The following PRAG1 variants were observed in gnomAD, a reference collection of about 807,000 sequenced individuals.
PRAG1 encodes PEAK1 related, kinase-activating pseudokinase 1.
In PRAG1, 110 loss-of-function variants were observed where a neutral mutation model predicts 95.6. That is an observed-to-expected ratio of 1.15 (90% CI 0.99 to 1.35). PRAG1 has a LOEUF of 1.35. PRAG1 is among the 40% of genes most tolerant of loss of function. The pLI, the probability that PRAG1 is intolerant of heterozygous loss-of-function variation, is 0.00. For synonymous variants in PRAG1, 1,052 were observed against 819.4 expected (o/e 1.28, Z -4.85); for missense variants, 2,554 against 1,864.7 (o/e 1.37, Z -6.81).
rs764036152 is a variant in PRAG1, at chr8:8,327,697, G to A, written c.3072+13C>T. 6.2e-7 allele frequency: 1 copy of A among 1,600,776 alleles called. No individual in the cohort carries two copies. Among genetic ancestry groups the A allele is most frequent in the East Asian group, 2.2e-5 (1 of 44,706 alleles). ...AGTGGCACAGCAGAATGCAAGGAGG[G>A]AGTGGTACCTACTTTCACAGCATAG... On this transcript the variant is annotated intron_variant, in intron 5 of 5. Transcript: ENST00000615670.
rs758208858 is a variant in PRAG1, at chr8:8,318,911, T to G, written c.3464A>C (p.His1155Pro). 4.4e-5 allele frequency: 71 copies of G among 1,606,248 alleles called. No individual in the cohort carries two copies. Among genetic ancestry groups the G allele is most frequent in the Non-Finnish European group, 5.6e-5 (66 of 1,177,038 alleles). Reference sequence around the variant, plus strand: ...CCCGGGGCCGGCCTGGAGGGTGCAGTGCACCAGCAGCAGGTTCTCCAGGCA... The same window carrying G: ...CCCGGGGCCGGCCTGGAGGGTGCAGGGCACCAGCAGCAGGTTCTCCAGGCA... Reference protein sequence around the residue: ...DLCLENLLLVHCTLQAGPGPA... With the variant: ...DLCLENLLLVPCTLQAGPGPA... The change falls in exon 6 of 6, where the codon CAC becomes CCC. Residue 1155 changes from histidine to proline, a missense_variant. His to Pro is a moderately conservative substitution (Grantham distance 77). Coordinates refer to ENST00000615670, the MANE Select transcript of PRAG1 (RefSeq NM_001080826.3). This position sits in a 1 kb window ranked among gnomAD's most constrained non-coding sequence, Gnocchi z 4.2.
chr8:8,359,791 T>C (rs975852977), intron 3 of PRAG1, among the ~76,000 whole-genome samples: 1 of 152,216 alleles, frequency 6.6e-6, no homozygotes, highest in Non-Finnish European at 1.5e-5. Flanking sequence ...TCTATCGCAG[T>C]TAACAAATTT....
rs1798846409 is a variant in PRAG1 at position 8,332,343 on chromosome 8, A to G, written c.2321-3882T>C. Among the ~76,000 whole-genome samples the G allele has an allele frequency of 2.0e-5, 3 of 151,860 alleles. No homozygotes were observed. The South Asian group carries it at 6.2e-4, about 32-fold the overall frequency. On this transcript the variant is annotated intron_variant, in intron 4 of 5. Coordinates refer to ENST00000615670, the MANE Select transcript of PRAG1 (RefSeq NM_001080826.3). ...CGCCCAGCTAATTTTTTGTATTTTT[A>G]GTAGAGACGGGGTTTCACCATGTTG...
intron 4 of PRAG1, among the ~76,000 whole-genome samples, chr8:8,337,701 TA>T (rs1461269648): frequency 5.9e-5 from 9 of 152,212 alleles, no homozygotes; most frequent in Non-Finnish European, 1.3e-4. Context: ...GATAAAGGAA[TA>T]CCACGACAAT....
intron 3 of PRAG1, among the ~76,000 whole-genome samples, chr8:8,356,057 A>G (rs1585253074): frequency 6.6e-6 from 1 of 152,360 alleles, no homozygotes; most frequent in East Asian, 1.9e-4. Context: ...AAACTTATGA[A>G]GAATTCTTAC....
chr8:8,353,608 T>C (rs1799591847), intron 3 of PRAG1, among the ~76,000 whole-genome samples: 1 of 151,934 alleles, frequency 6.6e-6, no homozygotes, highest in Non-Finnish European at 1.5e-5. Flanking sequence ...AAAAGAAAGA[T>C]CCCAAATAAA....
chr8:8,339,632 G>A lies in PRAG1; in HGVS notation c.2166C>T (p.His722=). The A allele has an allele frequency of 6.2e-7, 1 of 1,611,120 alleles. No individual in the cohort carries two copies. The highest frequency in any genetic ancestry group is 8.5e-7 in the Non-Finnish European group (1 of 1,177,516). Residue 722 remains histidine (H), a synonymous_variant, in exon 4 of 6, where the codon CAC becomes CAT. Coordinates refer to ENST00000615670, the MANE Select transcript of PRAG1 (RefSeq NM_001080826.3). ...AGCTGCTCTTGTTCATTTTTAGAAG[G>A]TGCCTGGAAAAGGTAGGAACAAACA... ...SPPPPPPKSR[H]LLKMNKSSSD...
rs113349386 is a variant in PRAG1 at position 8,360,863 on chromosome 8, T to C, written c.2162+15384A>G. ...AAATCTTTCATATTATCTCAGTGGG[T>C]GGCATTATTTTTATCCTACTGCGGT... On this transcript the variant is annotated intron_variant, in intron 3 of 5. Transcript: ENST00000615670. Among the ~76,000 whole-genome samples the C allele has an allele frequency of 3.3e-3, 508 of 152,324 alleles. 3 individuals are homozygous for C. Among genetic ancestry groups the C allele is most frequent in the African/African-American group, 0.011 (457 of 41,566 alleles).
chr8:8,374,920 A>C (rs1264349252), intron 3 of PRAG1, among the ~76,000 whole-genome samples: 1 of 152,088 alleles, frequency 6.6e-6, no homozygotes, highest in Non-Finnish European at 1.5e-5. Context: ...CTGAAACAGA[A>C]CCACTTGAAA....
intron 1 of PRAG1, among the ~76,000 whole-genome samples, chr8:8,382,576 G>C (rs191426318): frequency 6.6e-6 from 1 of 152,318 alleles, no homozygotes; most frequent in East Asian, 1.9e-4. Context: ...AAGGTGGCTG[G>C]ATAGATGATA....
At chr8:8,356,980 T>G (rs1441306194) in intron 3 of PRAG1, among the ~76,000 whole-genome samples, 1 of 152,074 alleles carries the variant, frequency 6.6e-6, no homozygotes, top group African/African-American at 2.4e-5. Context: ...AATATCCACA[T>G]GCAAAAAAAT....
At chr8:8,336,166 G>C (rs780218997) in intron 4 of PRAG1, among the ~76,000 whole-genome samples, 1 of 152,168 alleles carries the variant, frequency 6.6e-6, no homozygotes, top group Admixed American at 6.5e-5. Context: ...GTTCAACAGA[G>C]AACTCTCTAA....
At chr8:8,350,299 G>C (rs1799480781) in intron 3 of PRAG1, among the ~76,000 whole-genome samples, 1 of 152,156 alleles carries the variant, frequency 6.6e-6, no homozygotes. Flanking sequence ...CTGCTGATGA[G>C]CAGGTAAGAG....
At chr8:8,382,235 C>G (rs948137736) in intron 1 of PRAG1, among the ~76,000 whole-genome samples, 1 of 152,032 alleles carries the variant, frequency 6.6e-6, no homozygotes, top group Admixed American at 6.6e-5. Flanking sequence ...GGACGCTGAC[C>G]CACAGAAACA....
chr8:8,317,913 T>C lies in PRAG1; in HGVS notation c.*241A>G, dbSNP rs1483454255. 4 of 311,336 alleles carry C rather than the reference T, an allele frequency of 1.3e-5. No homozygotes were observed. The highest frequency in any genetic ancestry group is 4.6e-5 in the Admixed American group (1 of 21,566). The allele number at this position is 311,336 out of a possible 1,614,324, so 19.3% of individuals were successfully genotyped here. ...TGCATGGAACTGGAAATGTGTATAA[T>C]TACAGAAGAAAACAGGGAGGACTTA... is the stretch of plus-strand genomic sequence containing the variant. On this transcript the variant is annotated 3_prime_UTR_variant, in exon 6 of 6. Transcript: ENST00000615670.
Position 8,318,252 on chromosome 8 carries a change from G to A in PRAG1, c.4123C>T (p.Arg1375Trp). The A allele has an allele frequency of 3.1e-6, 5 of 1,614,154 alleles. No individual in the cohort carries two copies. Among genetic ancestry groups the A allele is most frequent in the Non-Finnish European group, 4.2e-6 (5 of 1,180,002 alleles). ...AGCCAGTCCTCCAGCTCCACGCCCC[G>A]CCTGCGATCCACCGCCTTCTCCGCA... is the stretch of plus-strand genomic sequence containing the variant. ...KFAEKAVDRR[R>W]GVELEDWLCC... Residue 1375 changes from arginine (R) to tryptophan (W), a missense_variant, in exon 6 of 6, where the codon CGG becomes TGG. Transcript: ENST00000615670. This position sits in a 1 kb window ranked among gnomAD's most constrained non-coding sequence, Gnocchi z 4.2.
chr8:8,341,036 A>G (rs937094259), intron 3 of PRAG1, among the ~76,000 whole-genome samples: 2 of 152,210 alleles, frequency 1.3e-5, no homozygotes, highest in African/African-American at 4.8e-5. Context: ...ATCTATCACT[A>G]ATAGTTTTCT....
rs757573197 is a variant in PRAG1, at chr8:8,317,922, A to G, written c.*232T>C. The G allele has an allele frequency of 1.5e-5, 5 of 326,386 alleles. No homozygotes were observed. The highest frequency in any genetic ancestry group is 6.4e-5 in the African/African-American group (3 of 46,962). The allele number at this position is 326,386 out of a possible 1,614,324, so 20.2% of individuals were successfully genotyped here. On this transcript the variant is annotated 3_prime_UTR_variant, in exon 6 of 6. Coordinates refer to ENST00000615670, the MANE Select transcript of PRAG1 (RefSeq NM_001080826.3). ...CTGGAAATGTGTATAATTACAGAAGAAAACAGGGAGGACTTAGTGCAGAGA... is the reference window on the plus strand; with the variant it reads ...CTGGAAATGTGTATAATTACAGAAGGAAACAGGGAGGACTTAGTGCAGAGA...
Position 8,373,628 on chromosome 8 carries a change from T to C in PRAG1, c.2162+2619A>G, listed in dbSNP as rs144260645. Among the ~76,000 whole-genome samples the C allele has an allele frequency of 2.2e-3, 334 of 152,122 alleles. 1 individual carries two copies. Among genetic ancestry groups the C allele is most frequent in the African/African-American group, 7.9e-3 (326 of 41,502 alleles). On this transcript the variant is annotated intron_variant, in intron 3 of 5. Transcript: ENST00000615670. ...CCATCCCTGGCTGATTTTCATATCT[T>C]TTTTGGTGGAGACTGGGTTTCACCA... is the stretch of plus-strand genomic sequence containing the variant.
Sources: gnomAD v4.1 joint callset for allele counts (sites outside exome capture counted in the v4.1 genomes callset) on GRCh38, gnomAD v4.1.1 for gene constraint, Gnocchi (gnomAD v3.1) non-coding constraint, MANE v1.5 for transcripts, NCBI Gene and HGNC (gene_info 2026-07-23, HGNC 2026-07-21) for gene names.